Variants in ATP13A3 observed in about 807,000 individuals in gnomAD.
ATP13A3 encodes the protein polyamine-transporting ATPase 13A3.
In ATP13A3, 59 loss-of-function variants were observed where a neutral mutation model predicts 158.1. The observed-to-expected ratio is 0.37, with a 90% confidence interval of 0.30 to 0.46. The LOEUF (loss-of-function observed/expected upper bound fraction) is 0.46. ATP13A3 is among the 20% of genes least tolerant of loss of function. The probability of loss-of-function intolerance (pLI) is 1.00; values close to 1 mark genes in which losing one functional copy is unlikely to be tolerated. For missense variants in ATP13A3, 1,166 were observed against 1,525.2 expected (o/e 0.76, Z 3.92); for synonymous variants, 491 against 504.3 (o/e 0.97, Z 0.35).
At position 194,462,187 on chromosome 3, in the gene ATP13A3, C is replaced by T. The variant is rs1719712358; in HGVS notation, c.4G>A (p.Asp2Asn). 6.2e-7 allele frequency: 1 copy of T among 1,613,644 alleles called. No individual in the cohort carries two copies. The highest frequency in any genetic ancestry group is 8.5e-7 in the Non-Finnish European group (1 of 1,179,714). The change falls in exon 3 of 34, where the codon GAC (aspartate) becomes AAC (asparagine). Residue 2 changes from aspartate (D) to asparagine (N), a missense_variant. By Grantham distance (23) the Asp-to-Asn change is conservative. Transcript: ENST00000645319. M[D>N]REERKTINQG... ...TTGATGGTCTTCCTTTCTTCCCTGT[C>T]CATACCTACAGTGGATTAAAGGTCC... is the stretch of plus-strand genomic sequence containing the variant.
chr3:194,454,402 A>G lies in ATP13A3; in HGVS notation c.631-10T>C. On this transcript the variant is annotated splice_polypyrimidine_tract_variant and intron_variant, in intron 8 of 33. Coordinates refer to ENST00000645319, the MANE Select transcript of ATP13A3 (RefSeq NM_001367549.1). The stretch of plus-strand genomic sequence containing the variant: ...AAAATGGGTTGAGAACCTAAAAAAC[A>G]AGATTTTAAAGTCAAACTGAATGAG... 4 of 1,604,550 alleles carry G rather than the reference A, an allele frequency of 2.5e-6. No individual in the cohort carries two copies. Among genetic ancestry groups the G allele is most frequent in the Non-Finnish European group, 3.4e-6 (4 of 1,173,346 alleles).
At chr3:194,421,114 G>A (rs372388418) in intron 30 of ATP13A3, among the ~76,000 whole-genome samples, 124 of 8,086 alleles carry the variant, frequency 0.015, 7 homozygotes, top group African/African-American at 0.058. Flanking sequence ...TGTGTAGGGT[G>A]TATATATATA....
At chr3:194,457,039 T>G (rs1183793415) in intron 7 of ATP13A3, 55 bp downstream of exon 7, 1 of 1,310,792 alleles carries the variant, frequency 7.6e-7, no homozygotes, top group African/African-American at 1.5e-5. Flanking sequence ...TGATTATGTA[T>G]ACTACTGCTT....
chr3:194,442,638 G>A (rs922053754), intron 15 of ATP13A3, among the ~76,000 whole-genome samples: 4 of 151,864 alleles, frequency 2.6e-5, no homozygotes, highest in Admixed American at 1.3e-4. Context: ...ATTCCCAGAA[G>A]GAGAGAAAAC....
intron 31 of ATP13A3, among the ~76,000 whole-genome samples, chr3:194,415,441 T>TA (rs1715762955): frequency 6.6e-6 from 1 of 152,218 alleles, no homozygotes. Flanking sequence ...TCTTTTACTG[T>TA]AAGTGCTTAT....
At chr3:194,477,382 AG>A (rs1490910174) in intron 2 of ATP13A3, among the ~76,000 whole-genome samples, 1 of 152,212 alleles carries the variant, frequency 6.6e-6, no homozygotes. Context: ...TGGGTGAAGG[AG>A]GGGTGGAATC....
rs367707956 is a variant in ATP13A3, at chr3:194,421,159, A to AC, written c.3314-1193_3314-1192insG. Among the ~76,000 whole-genome samples, 19 of 49,372 alleles carry AC rather than the reference A, an allele frequency of 3.8e-4. 1 individual carries two copies. The highest frequency in any genetic ancestry group is 2.7e-3 in the African/African-American group (13 of 4,826). The allele number at this position is 49,372 out of a possible 152,430, so 32.4% of individuals were successfully genotyped here. ...ATAGTATATATATATATATATATATATATATATATAGTTTTAGTAGCTTAG... is the reference window on the plus strand; with the variant it reads ...ATAGTATATATATATATATATATATACTATATATATAGTTTTAGTAGCTTAG... On this transcript the variant is annotated intron_variant, in intron 30 of 33. Transcript: ENST00000645319.
At chr3:194,437,962 C>T (rs1442297626) in intron 17 of ATP13A3, among the ~76,000 whole-genome samples, 1 of 152,080 alleles carries the variant, frequency 6.6e-6, no homozygotes. Context: ...GAGATCGAGA[C>T]CAGACTTATC....
chr3:194,474,783 A>G (rs950193314), intron 2 of ATP13A3, among the ~76,000 whole-genome samples: 1 of 152,222 alleles, frequency 6.6e-6, no homozygotes, highest in Non-Finnish European at 1.5e-5. Flanking sequence ...GCTAAAATCA[A>G]GACACTGCTT....
chr3:194,476,635 G>C (rs1054841370), intron 2 of ATP13A3, among the ~76,000 whole-genome samples: 1 of 151,970 alleles, frequency 6.6e-6, no homozygotes, highest in Non-Finnish European at 1.5e-5. Flanking sequence ...CTGAGCCCTC[G>C]TCTCCCTCAT....
intron 1 of ATP13A3, among the ~76,000 whole-genome samples, chr3:194,486,296 A>C (rs1271996583): frequency 6.6e-6 from 1 of 151,804 alleles, no homozygotes; most frequent in Non-Finnish European, 1.5e-5. Context: ...CTCCCACAGG[A>C]CTTTCCGAAA....
At chr3:194,426,944 C>G in intron 29 of ATP13A3, 131 bp downstream of exon 29, 1 of 960,528 alleles carries the variant, frequency 1.0e-6, no homozygotes, top group Non-Finnish European at 1.5e-6. Flanking sequence ...TCGGCCTCCC[C>G]AAAGTACTAG....
rs570840683 is a variant in ATP13A3 at position 194,403,248 on chromosome 3, T to C, written c.*2671A>G. The C allele has an allele frequency of 6.6e-6, 1 of 152,334 alleles. No homozygotes were observed. Among genetic ancestry groups the C allele is most frequent in the Non-Finnish European group, 1.5e-5 (1 of 68,018 alleles). 9.4% of individuals were successfully genotyped at this position (152,334 alleles called of 1,614,324 possible). ...TAGAGTAAAAACTGCAACAGTTTTG[T>C]TTAGATGCAAGTGCAATTGGGAAAG... On this transcript the variant is annotated 3_prime_UTR_variant, in exon 34 of 34. Coordinates refer to ENST00000645319, the MANE Select transcript of ATP13A3 (RefSeq NM_001367549.1).
intron 21 of ATP13A3, among the ~76,000 whole-genome samples, chr3:194,432,422 G>A (rs1309706123): frequency 1.3e-5 from 2 of 152,156 alleles, no homozygotes; most frequent in Non-Finnish European, 2.9e-5. Flanking sequence ...GCAAGAACAG[G>A]ATCTTATTAA....
At chr3:194,417,081 A>T (rs1466973679) in intron 31 of ATP13A3, among the ~76,000 whole-genome samples, 1 of 152,194 alleles carries the variant, frequency 6.6e-6, no homozygotes, top group Non-Finnish European at 1.5e-5. Context: ...AAATTTATTG[A>T]TCAACTCTGT....
At chr3:194,454,621 G>C (rs547314310) in intron 8 of ATP13A3, among the ~76,000 whole-genome samples, 2 of 121,762 alleles carry the variant, frequency 1.6e-5, no homozygotes, top group African/African-American at 5.7e-5. Context: ...GAGGTCAGGA[G>C]ATCAAAACAT....
chr3:194,456,980 C>A, intron 7 of ATP13A3, 114 bp downstream of exon 7: 1 of 606,478 alleles, frequency 1.6e-6, no homozygotes, highest in Non-Finnish European at 2.8e-6. Flanking sequence ...ACTACTATGT[C>A]TGTAATATTT....
At chr3:194,455,986 A>T (rs764636338) in intron 7 of ATP13A3, 24 bp from the exon 8 acceptor site, 2 of 1,353,978 alleles carry the variant, frequency 1.5e-6, no homozygotes, top group Admixed American at 4.4e-5. Context: ...ATACATTCAT[A>T]GTATTACATT....
intron 30 of ATP13A3, among the ~76,000 whole-genome samples, chr3:194,422,751 A>G (rs1438921114): frequency 6.6e-6 from 1 of 151,992 alleles, no homozygotes; most frequent in Non-Finnish European, 1.5e-5. Flanking sequence ...GTAGACACAC[A>G]TACAATATTT....
Sources: gnomAD v4.1 joint callset for allele counts (sites outside exome capture counted in the v4.1 genomes callset) on GRCh38, gnomAD v4.1.1 for gene constraint, MANE v1.5 for transcripts, NCBI Gene and HGNC (gene_info 2026-07-23, HGNC 2026-07-21) for gene names.